Variants in CCDC73 observed in about 807,000 individuals in gnomAD.
CCDC73 encodes the protein coiled-coil domain containing 73.
Under a neutral mutation model 116.5 loss-of-function variants are expected in CCDC73, and 95 were observed. That is an observed-to-expected ratio of 0.82 (90% CI 0.69 to 0.97). The LOEUF (loss-of-function observed/expected upper bound fraction) is 0.97. Among genes scored for constraint, CCDC73 ranks in the 50% least tolerant of loss-of-function variants. CCDC73 has a pLI of 0.00. For missense variants in CCDC73, 1,066 were observed against 1,206.8 expected, an observed-to-expected ratio of 0.88 and a Z score of 1.73; for synonymous variants, 398 against 401.3, an observed-to-expected ratio of 0.99 and a Z score of 0.10.
chr11:32,725,678 T>C (rs1410866515), intron 2 of CCDC73, among the ~76,000 whole-genome samples: 1 of 152,112 alleles, frequency 6.6e-6, no homozygotes, highest in African/African-American at 2.4e-5. Context: ...GGGTTTTAGG[T>C]TGGTCTAGAA....
chr11:32,708,312 T>C (rs893352168), intron 3 of CCDC73, among the ~76,000 whole-genome samples: 1 of 152,214 alleles, frequency 6.6e-6, no homozygotes, highest in Non-Finnish European at 1.5e-5. Flanking sequence ...TATGGCCTTG[T>C]AGAATAGTTT....
intron 13 of CCDC73, among the ~76,000 whole-genome samples, chr11:32,637,186 A>C (rs1855689842): frequency 6.6e-6 from 1 of 151,412 alleles, no homozygotes; most frequent in Non-Finnish European, 1.5e-5. Context: ...CGCCCAGCTA[A>C]TTTTTGTGTT....
intron 9 of CCDC73, among the ~76,000 whole-genome samples, chr11:32,669,887 C>A (rs538284825): frequency 3.9e-5 from 6 of 152,134 alleles, no homozygotes; most frequent in Admixed American, 3.9e-4. Flanking sequence ...GGGTTGCTTT[C>A]GAATCTTGGC....
At chr11:32,618,487 C>T (rs911721703) in intron 14 of CCDC73, among the ~76,000 whole-genome samples, 2 of 152,306 alleles carry the variant, frequency 1.3e-5, no homozygotes, top group East Asian at 3.9e-4. Context: ...TTCCCACCAA[C>T]AGCATATAAG....
chr11:32,781,244 T>C (rs1301973130), intron 1 of CCDC73, among the ~76,000 whole-genome samples: 2 of 152,174 alleles, frequency 1.3e-5, no homozygotes, highest in Admixed American at 1.3e-4. Context: ...TTAAAGATAG[T>C]GGATTGAACA....
intron 13 of CCDC73, among the ~76,000 whole-genome samples, chr11:32,636,330 A>G (rs1438572836): frequency 1.3e-5 from 2 of 152,142 alleles, no homozygotes. Flanking sequence ...CAAATTGCAC[A>G]TACAGATTTG....
intron 9 of CCDC73, among the ~76,000 whole-genome samples, chr11:32,674,779 T>C (rs941714548): frequency 6.6e-6 from 1 of 152,190 alleles, no homozygotes; most frequent in African/African-American, 2.4e-5. Context: ...GAAAGAAATA[T>C]GTTTGTGTTC....
chr11:32,763,974 T>A (rs1850416946), intron 1 of CCDC73, among the ~76,000 whole-genome samples: 1 of 152,188 alleles, frequency 6.6e-6, no homozygotes. Context: ...ATGCACAAGC[T>A]TCAGCAACGG....
chr11:32,690,186 A>G (rs1856241999), intron 6 of CCDC73, among the ~76,000 whole-genome samples: 1 of 152,210 alleles, frequency 6.6e-6, no homozygotes, highest in South Asian at 2.1e-4. Context: ...CCCAAAAAAT[A>G]TATTAATTTT....
At chr11:32,764,893 G>C (rs1296393195) in intron 1 of CCDC73, among the ~76,000 whole-genome samples, 1 of 152,120 alleles carries the variant, frequency 6.6e-6, no homozygotes, top group Non-Finnish European at 1.5e-5. Flanking sequence ...GACACACATA[G>C]GCTCAAAATA....
chr11:32,696,893 G>C (rs10835956), intron 6 of CCDC73, among the ~76,000 whole-genome samples: 2 of 149,830 alleles, frequency 1.3e-5, no homozygotes, highest in Middle Eastern at 3.5e-3. Flanking sequence ...GTAGTGGCCT[G>C]ATCATGGCTC....
Position 32,753,525 on chromosome 11 carries a change from C to T in CCDC73, c.135+6584G>A, listed in dbSNP as rs199763409. 3.9e-5 allele frequency among the ~76,000 whole-genome samples: 6 copies of T among 152,006 alleles called. No homozygotes were observed. The East Asian group carries it at 9.7e-4, about 25-fold the overall frequency. On this transcript the variant is annotated intron_variant, in intron 2 of 17. Transcript: ENST00000335185. ...TTTAGCCCAGGCTGGAGTGCAGTGACATGATCTTGGCTTACTGCAACCTCC... is the reference window on the plus strand; with the variant it reads ...TTTAGCCCAGGCTGGAGTGCAGTGATATGATCTTGGCTTACTGCAACCTCC...
chr11:32,612,741 A>C (rs972128939), intron 16 of CCDC73, among the ~76,000 whole-genome samples: 3 of 152,052 alleles, frequency 2.0e-5, no homozygotes, highest in Non-Finnish European at 4.4e-5. Flanking sequence ...TATCTCAAAA[A>C]AATAATAAAT....
intron 1 of CCDC73, among the ~76,000 whole-genome samples, chr11:32,775,994 A>G (rs1473150584): frequency 6.6e-6 from 1 of 152,072 alleles, no homozygotes; most frequent in Non-Finnish European, 1.5e-5. Flanking sequence ...ATTCTATTTT[A>G]ATCTCCAATG....
chr11:32,734,764 T>A (rs1850113242), intron 2 of CCDC73, among the ~76,000 whole-genome samples: 2 of 152,030 alleles, frequency 1.3e-5, no homozygotes, highest in African/African-American at 4.8e-5. Flanking sequence ...GATGCAGAAA[T>A]CCTCAATAAA....
At chr11:32,801,969 C>T in the CCDC73 span, among the ~76,000 whole-genome samples, 2 of 152,088 alleles carry the variant, frequency 1.3e-5, no homozygotes, top group African/African-American at 2.4e-5. Context: ...ATCTTTAAAT[C>T]AGAGATAAAA....
At chr11:32,816,845 G>A in the CCDC73 span, among the ~76,000 whole-genome samples, 5 of 151,974 alleles carry the variant, frequency 3.3e-5, no homozygotes, top group African/African-American at 2.4e-5. Flanking sequence ...GTTCAATGGC[G>A]CGATCTCGGC....
At chr11:32,630,605 A>G (rs533173955) in intron 14 of CCDC73, among the ~76,000 whole-genome samples, 1 of 152,330 alleles carries the variant, frequency 6.6e-6, no homozygotes, top group East Asian at 1.9e-4. Flanking sequence ...AACCTCCCAA[A>G]GTGCTGGGAT....
intron 1 of CCDC73, chr11:32,794,275 A>G (rs1406820025): frequency 6.6e-6 from 1 of 152,220 alleles, no homozygotes; most frequent in African/African-American, 2.4e-5. Flanking sequence ...TTTAAAACAA[A>G]AACCACCACC....
Sources: gnomAD v4.1 joint callset for allele counts (sites outside exome capture counted in the v4.1 genomes callset) on GRCh38, gnomAD v4.1.1 for gene constraint, MANE v1.5 for transcripts, NCBI Gene and HGNC (gene_info 2026-07-23, HGNC 2026-07-21) for gene names.